The following SMIM14 variants were observed in gnomAD, a reference collection of about 807,000 sequenced individuals.
SMIM14 encodes the protein chromosome 4 open reading frame 34.
SMIM14 carries 5 observed loss-of-function variants against 12.6 expected under a neutral mutation model. The observed-to-expected ratio is 0.40, with a 90% CI of 0.21 to 0.83. The LOEUF (loss-of-function observed/expected upper bound fraction) is 0.83, where lower values mean the gene tolerates loss of function less well. Ranked by LOEUF, SMIM14 falls within the 40% of genes least tolerant of loss-of-function variation. The pLI is 0.37. For missense variants in SMIM14, 86 were observed against 119.1 expected, an observed-to-expected ratio of 0.72 and a Z score of 1.29; for synonymous variants, 30 against 40.1, an observed-to-expected ratio of 0.75 and a Z score of 0.95.
chr4:39,619,161 AATTT>A (rs1220724436), intron 1 of SMIM14, among the ~76,000 whole-genome samples: 18 of 148,458 alleles, frequency 1.2e-4, no homozygotes, highest in Non-Finnish European at 2.2e-4. Flanking sequence ...ATTATAATTT[AATTT>A]ATTATATATA....
At chr4:39,623,390 G>A (rs949444775) in intron 1 of SMIM14, among the ~76,000 whole-genome samples, 1 of 152,008 alleles carries the variant, frequency 6.6e-6, no homozygotes, top group Non-Finnish European at 1.5e-5. Flanking sequence ...CCCTCTCCCC[G>A]ACTCCATGCA....
At chr4:39,555,292 G>A (rs990071871) in intron 4 of SMIM14, among the ~76,000 whole-genome samples, 1 of 151,784 alleles carries the variant, frequency 6.6e-6, no homozygotes, top group African/African-American at 2.4e-5. Flanking sequence ...GAGTGTGGTG[G>A]TGTGATCTTG....
chr4:39,576,432 C>T (rs1411549223), intron 2 of SMIM14, among the ~76,000 whole-genome samples: 1 of 151,080 alleles, frequency 6.6e-6, no homozygotes. Context: ...TAGGAGGTCC[C>T]TAGGTGACAA....
intron 4 of SMIM14, among the ~76,000 whole-genome samples, chr4:39,553,242 T>TACAAA (rs1711815852): frequency 6.6e-6 from 1 of 151,944 alleles, no homozygotes; most frequent in Non-Finnish European, 1.5e-5. Context: ...TTTGTATTTT[T>TACAAA]AGTAGAGACA....
At chr4:39,579,906 A>C (rs1382183968) in intron 2 of SMIM14, among the ~76,000 whole-genome samples, 2 of 152,020 alleles carry the variant, frequency 1.3e-5, no homozygotes, top group Non-Finnish European at 2.9e-5. Context: ...TGTAGATCAA[A>C]GAAGATTCTA....
In SMIM14 at chr4:39,548,949, C is replaced by T. The variant is rs966356602; in HGVS notation, c.*3177G>A. Reference sequence around the variant, plus strand: ...GTGGCTCACATCTGTAATCCTAGCACTTTGGGAGGCCATAGTGGGTGGATC... The same window carrying T: ...GTGGCTCACATCTGTAATCCTAGCATTTTGGGAGGCCATAGTGGGTGGATC... On this transcript the variant is annotated 3_prime_UTR_variant, in exon 5 of 5. Transcript: ENST00000295958. 9 of 152,168 alleles carry T rather than the reference C, an allele frequency of 5.9e-5. No individual in the cohort carries two copies. The highest frequency in any genetic ancestry group is 2.2e-4 in the African/African-American group (9 of 41,438). The allele number at this position is 152,168 out of a possible 1,614,324, so 9.4% of individuals were successfully genotyped here.
At chr4:39,580,596 G>C (rs1438190409) in intron 2 of SMIM14, among the ~76,000 whole-genome samples, 1 of 151,796 alleles carries the variant, frequency 6.6e-6, no homozygotes, top group Non-Finnish European at 1.5e-5. Context: ...GTGCGATCTT[G>C]GCTTACTGCA....
At chr4:39,557,758 G>A (rs560152801) in intron 3 of SMIM14, among the ~76,000 whole-genome samples, 40 of 152,130 alleles carry the variant, frequency 2.6e-4, no homozygotes, top group Admixed American at 2.6e-4. Flanking sequence ...TCCAAGTTAA[G>A]ACCACAGAAA....
chr4:39,572,220 C>A (rs1712926154), intron 3 of SMIM14, among the ~76,000 whole-genome samples, 195 bp downstream of exon 3: 1 of 149,082 alleles, frequency 6.7e-6, no homozygotes, highest in Non-Finnish European at 1.5e-5. Context: ...TTACTGAGAA[C>A]CATTTTCTTA....
intron 2 of SMIM14, among the ~76,000 whole-genome samples, chr4:39,599,582 A>G (rs1276807979): frequency 6.6e-6 from 1 of 152,096 alleles, no homozygotes; most frequent in African/African-American, 2.4e-5. Flanking sequence ...TTCTGGATGT[A>G]TTTTTAAGGT....
In SMIM14 at chr4:39,551,388, CA is replaced by C. The variant is rs1284815695; in HGVS notation, c.*737del. Reference sequence around the variant, plus strand: ...TGTAAGGCTAGTGTTGAGTGGCTTACAAATGTCATATAATGGACTGTAAATC... The same window carrying C: ...TGTAAGGCTAGTGTTGAGTGGCTTACAATGTCATATAATGGACTGTAAATC... On this transcript the variant is annotated 3_prime_UTR_variant, in exon 5 of 5. Transcript: ENST00000295958. 1.3e-5 allele frequency: 2 copies of C among 152,608 alleles called. No individual in the cohort carries two copies. Among genetic ancestry groups the C allele is most frequent in the Non-Finnish European group, 2.9e-5 (2 of 68,036 alleles). The allele number at this position is 152,608 out of a possible 1,614,324, so 9.5% of individuals were successfully genotyped here.
At chr4:39,619,358 A>G (rs937946519) in intron 1 of SMIM14, among the ~76,000 whole-genome samples, 2 of 90,334 alleles carry the variant, frequency 2.2e-5, no homozygotes, top group Non-Finnish European at 3.9e-5. Context: ...AATTTATTCT[A>G]TATATCAATA....
chr4:39,580,772 A>T (rs564672221), intron 2 of SMIM14, among the ~76,000 whole-genome samples: 110 of 152,074 alleles, frequency 7.2e-4, no homozygotes, highest in African/African-American at 2.6e-3. Flanking sequence ...TGATCCGCCC[A>T]CCTCAGCCTC....
Position 39,558,154 on chromosome 4 carries a change from G to A in SMIM14, c.125-1584C>T, listed in dbSNP as rs1331076818. On this transcript the variant is annotated intron_variant, in intron 3 of 4. Coordinates refer to ENST00000295958, the MANE Select transcript of SMIM14 (RefSeq NM_174921.3). The surrounding 1 kb of genome is among the most constrained non-coding windows in gnomAD (Gnocchi z 4.3). ...TTAACAAATTTCTAATAAATGAAAC[G>A]TAGATTTTTTATTGAAGTATATTAG... 6.6e-6 allele frequency among the ~76,000 whole-genome samples: 1 copy of A among 152,102 alleles called. No individual in the cohort carries two copies. The highest frequency in any genetic ancestry group is 2.4e-5 in the African/African-American group (1 of 41,388).
chr4:39,628,081 G>A (rs1178654002), intron 1 of SMIM14, among the ~76,000 whole-genome samples: 1 of 152,070 alleles, frequency 6.6e-6, no homozygotes, highest in Non-Finnish European at 1.5e-5. Context: ...GGCCAAGGCA[G>A]GAGGACTACG....
intron 1 of SMIM14, among the ~76,000 whole-genome samples, chr4:39,609,496 T>C (rs1244548138): frequency 6.6e-6 from 1 of 151,878 alleles, no homozygotes; most frequent in East Asian, 1.9e-4. Context: ...GACTTGGGGG[T>C]TGAGGGCATT....
intron 1 of SMIM14, among the ~76,000 whole-genome samples, chr4:39,627,341 C>T (rs1178397186): frequency 6.6e-6 from 1 of 152,104 alleles, no homozygotes; most frequent in African/African-American, 2.4e-5. Flanking sequence ...TTTTTCTTTA[C>T]CTCTATCTGA....
intron 2 of SMIM14, among the ~76,000 whole-genome samples, chr4:39,592,256 G>T (rs535228232): frequency 6.7e-6 from 1 of 148,660 alleles, no homozygotes; most frequent in South Asian, 2.1e-4. Context: ...CACAGAGATG[G>T]TCATTTGCCT....
At chr4:39,591,190 T>TATTATTTATTATTTATACAAATA (rs1714060618) in intron 2 of SMIM14, among the ~76,000 whole-genome samples, 1 of 152,132 alleles carries the variant, frequency 6.6e-6, no homozygotes, top group African/African-American at 2.4e-5. Flanking sequence ...GCTATTGTTT[T>TATTATTTATTATTTATACAAATA]ATTATTTGTA....
Sources: allele counts gnomAD v4.1 joint callset (sites outside exome capture counted in the v4.1 genomes callset), GRCh38; gene constraint gnomAD v4.1.1; non-coding constraint Gnocchi (gnomAD v3.1); transcripts MANE v1.5; gene names NCBI Gene and HGNC (gene_info 2026-07-23, HGNC 2026-07-21).